The following ZNF516 variants were observed in gnomAD, a reference collection of about 807,000 sequenced individuals.
ZNF516 encodes the protein zinc finger protein 516.
ZNF516 carries 19 observed loss-of-function variants against 79.7 expected under a neutral mutation model. The observed-to-expected ratio is 0.24, with a 90% CI of 0.17 to 0.35. The LOEUF (loss-of-function observed/expected upper bound fraction) is 0.35, where lower values mean the gene tolerates loss of function less well. ZNF516 is among the 10% of genes least tolerant of loss of function. The pLI, the probability that ZNF516 is intolerant of heterozygous loss-of-function variation, is 1.00. For missense variants in ZNF516, 1,678 were observed against 1,679.5 expected (o/e 1.00, Z 0.02); for synonymous variants, 877 against 739.5 (o/e 1.19, Z -3.02).
At chr18:76,427,473 A>G (rs1384688322) in intron 3 of ZNF516, among the ~76,000 whole-genome samples, 1 of 152,252 alleles carries the variant, frequency 6.6e-6, no homozygotes, top group Admixed American at 6.5e-5. Context: ...ATATGGGAAA[A>G]TGTTTAAAGT....
Position 76,369,947 on chromosome 18 carries a change from G to C in ZNF516, c.3432+581C>G, listed in dbSNP as rs570604211. 6.6e-5 allele frequency among the ~76,000 whole-genome samples: 10 copies of C among 152,262 alleles called. No individual in the cohort carries two copies. In the East Asian group the frequency reaches 1.5e-3, roughly 24 times the overall value. ...ACTTTAGAGCAGGACTCAGAACCGT[G>C]TGCTAGTGCCAGGGTCCCACACACT... On this transcript the variant is annotated intron_variant, in intron 6 of 6. Coordinates refer to ENST00000443185, the MANE Select transcript of ZNF516 (RefSeq NM_014643.4).
At chr18:76,395,378 A>C (rs2075130976) in intron 3 of ZNF516, among the ~76,000 whole-genome samples, 1 of 152,184 alleles carries the variant, frequency 6.6e-6, no homozygotes, top group South Asian at 2.1e-4. Flanking sequence ...GACCATCAAC[A>C]AATATGCATT....
At chr18:76,405,123 G>C (rs373372699) in intron 3 of ZNF516, among the ~76,000 whole-genome samples, 16 of 152,184 alleles carry the variant, frequency 1.1e-4, no homozygotes, top group Non-Finnish European at 1.0e-4. Flanking sequence ...CCGAGGCCAA[G>C]ATAAGGACAC....
chr18:76,483,522 G>A (rs188931375), intron 1 of ZNF516, among the ~76,000 whole-genome samples: 2 of 152,158 alleles, frequency 1.3e-5, no homozygotes, highest in Admixed American at 6.5e-5. Flanking sequence ...GTCATCTGCC[G>A]CACCACACTG....
At chr18:76,391,847 C>T (rs140913277) in intron 3 of ZNF516, among the ~76,000 whole-genome samples, 8 of 152,340 alleles carry the variant, frequency 5.3e-5, no homozygotes, top group African/African-American at 1.9e-4. Context: ...GTCTCAGCCT[C>T]GCCCTGAAGG....
chr18:76,380,521 C>T lies in ZNF516; in HGVS notation c.1811-218G>A, dbSNP rs547013949. Among the ~76,000 whole-genome samples, 75 of 152,084 alleles carry T rather than the reference C, an allele frequency of 4.9e-4. 1 individual carries two copies. In the South Asian group the frequency reaches 0.015, roughly 31 times the overall value. ...GGACTTCTTTTCTCAATTTAAATGA[C>T]CTGAAAGATCACAGGGAAAAAATAC... On this transcript the variant is annotated intron_variant, in intron 3 of 6. Transcript: ENST00000443185.
Position 76,442,354 on chromosome 18 carries a change from G to A in ZNF516, c.701C>T (p.Ala234Val). 1.2e-6 allele frequency: 2 copies of A among 1,609,802 alleles called. No homozygotes were observed. Among genetic ancestry groups the A allele is most frequent in the Non-Finnish European group, 1.7e-6 (2 of 1,179,158 alleles). The stretch of plus-strand genomic sequence containing the variant: ...CTCGGGCTTGCCGTTCTCCACGCAG[G>A]CCTCGCCGCTGCCGGGCCCCTGCGC... Reference protein sequence around the residue: ...ITAQGPGSGEACVENGKPELS... With the variant: ...ITAQGPGSGEVCVENGKPELS... The change falls in exon 3 of 7, where the codon GCC becomes GTC. Residue 234 changes from alanine to valine, a missense_variant. By Grantham distance (64) the Ala-to-Val change is moderately conservative. Around this residue, in one of 5 missense-constraint regions of ZNF516, gnomAD observed 279 missense variants for 254.1 expected, o/e 1.10. Coordinates refer to ENST00000443185, the MANE Select transcript of ZNF516 (RefSeq NM_014643.4).
intron 2 of ZNF516, among the ~76,000 whole-genome samples, chr18:76,450,884 C>G (rs1455942236): frequency 6.6e-6 from 1 of 152,132 alleles, no homozygotes; most frequent in African/African-American, 2.4e-5. Flanking sequence ...AAAACAAAAG[C>G]TGAATGGTTG....
At chr18:76,446,178 A>G (rs868467213) in intron 2 of ZNF516, among the ~76,000 whole-genome samples, 2 of 152,084 alleles carry the variant, frequency 1.3e-5, no homozygotes, top group Admixed American at 1.3e-4. Flanking sequence ...AATAAGAAGA[A>G]GCCACATGTC....
chr18:76,405,999 C>A (rs1417353086), intron 3 of ZNF516, among the ~76,000 whole-genome samples: 1 of 152,132 alleles, frequency 6.6e-6, no homozygotes, highest in Non-Finnish European at 1.5e-5. Flanking sequence ...GCCCTCACAC[C>A]AACATCCACA....
chr18:76,452,331 C>T (rs1408770657), intron 2 of ZNF516, among the ~76,000 whole-genome samples: 2 of 152,132 alleles, frequency 1.3e-5, no homozygotes, highest in Non-Finnish European at 2.9e-5. Context: ...TGACAAAGCC[C>T]CATTTTCTAA....
intron 3 of ZNF516, among the ~76,000 whole-genome samples, chr18:76,437,923 T>G (rs2075765146): frequency 6.6e-6 from 1 of 152,162 alleles, no homozygotes; most frequent in South Asian, 2.1e-4. Context: ...CCTCTAAAAC[T>G]TGAGGGTGTC....
In ZNF516 at chr18:76,379,731, T is replaced by C; in HGVS notation, c.2383A>G (p.Ile795Val). The C allele has an allele frequency of 1.9e-6, 3 of 1,613,830 alleles. No individual in the cohort carries two copies. The highest frequency in any genetic ancestry group is 2.5e-6 in the Non-Finnish European group (3 of 1,179,878). The change falls in exon 4 of 7, where the codon ATT becomes GTT. Residue 795 changes from isoleucine to valine, a missense_variant. Physicochemically the swap from Ile to Val is conservative, Grantham distance 29. Around this residue, in one of 5 missense-constraint regions of ZNF516, gnomAD observed 1,294 missense variants for 1,248.3 expected, o/e 1.04. Transcript: ENST00000443185. ...ATGCTTTTGTAACCATTGGGCTGAA[T>C]CCACGGGGGAGCCACGGAGTTGCAG... ...VSCNSVAPPW[I>V]QPNGYKSIRS... is the part of the protein sequence containing the mutation.
At chr18:76,401,173 T>G (rs2075214367) in intron 3 of ZNF516, among the ~76,000 whole-genome samples, 1 of 152,088 alleles carries the variant, frequency 6.6e-6, no homozygotes, top group South Asian at 2.1e-4. Flanking sequence ...GTCTGATTTT[T>G]CACTAAAAAA....
intron 3 of ZNF516, among the ~76,000 whole-genome samples, chr18:76,439,917 C>A (rs746782074): frequency 6.6e-6 from 1 of 151,836 alleles, no homozygotes; most frequent in Non-Finnish European, 1.5e-5. Flanking sequence ...CCAGGGGTCA[C>A]GATGGGGTCA....
At position 76,360,991 on chromosome 18, in the gene ZNF516, G is replaced by A. The variant is rs538140141; in HGVS notation, c.*1507C>T. On this transcript the variant is annotated 3_prime_UTR_variant, in exon 7 of 7. Transcript: ENST00000443185. ...ATTAAGTAAACTGTTGCTCTCGCCA[G>A]TATTAAAGGTTAGGATAATTTCTGT... 6 of 151,806 alleles carry A rather than the reference G, an allele frequency of 4.0e-5. No individual in the cohort carries two copies. Among genetic ancestry groups the A allele is most frequent in the Admixed American group, 3.3e-4 (5 of 15,268 alleles). The allele number at this position is 151,806 out of a possible 1,614,324, so 9.4% of individuals were successfully genotyped here. A position where few individuals can be genotyped will look rare whatever the true frequency, so the allele number is the denominator to read the frequency against.
rs1171787864 is a variant in ZNF516, at chr18:76,424,039, TC to T, written c.1810+17205del. Among the ~76,000 whole-genome samples, 648 of 74,090 alleles carry T rather than the reference TC, an allele frequency of 8.7e-3. 9 individuals carry two copies. Among genetic ancestry groups the T allele is most frequent in the African/African-American group, 0.033 (591 of 17,754 alleles). 48.6% of individuals were successfully genotyped at this position (74,090 alleles called of 152,430 possible). On this transcript the variant is annotated intron_variant, in intron 3 of 6. Coordinates refer to ENST00000443185, the MANE Select transcript of ZNF516 (RefSeq NM_014643.4). ...AAACACCCACACGCAGGTGAAAGGGTCCCCCCCGAAACACACGCAGGTGAAA... is the reference window on the plus strand; with the variant it reads ...AAACACCCACACGCAGGTGAAAGGGTCCCCCCGAAACACACGCAGGTGAAA...
chr18:76,458,228 G>C (rs1459319996), intron 2 of ZNF516, among the ~76,000 whole-genome samples: 1 of 152,138 alleles, frequency 6.6e-6, no homozygotes, highest in African/African-American at 2.4e-5. Flanking sequence ...TTTTAAAGCT[G>C]ATGTGGAAAG....
intron 3 of ZNF516, among the ~76,000 whole-genome samples, chr18:76,394,958 G>A (rs573172281): frequency 3.9e-5 from 6 of 152,232 alleles, no homozygotes; most frequent in African/African-American, 1.4e-4. Flanking sequence ...CGGTTGACTG[G>A]AAGAACCGGA....
Sources: allele counts gnomAD v4.1 joint callset (sites outside exome capture counted in the v4.1 genomes callset), GRCh38; gene constraint gnomAD v4.1.1; regional missense constraint gnomAD v4.1.1; transcripts MANE v1.5; gene names NCBI Gene and HGNC (gene_info 2026-07-23, HGNC 2026-07-21).